Variants in CHRM3 observed in about 807,000 individuals in gnomAD.
CHRM3 encodes the protein cholinergic receptor muscarinic 3.
In CHRM3, 11 loss-of-function variants were observed where a neutral mutation model predicts 41.8. That is an observed-to-expected ratio of 0.26 (90% CI 0.17 to 0.44). The LOEUF is 0.44. CHRM3 is among the 20% of genes least tolerant of loss of function. The probability of loss-of-function intolerance (pLI) is 1.00; values close to 1 mark genes in which losing one functional copy is unlikely to be tolerated. For synonymous variants in CHRM3, 297 were observed against 301.4 expected (o/e 0.99, Z 0.15); for missense variants, 571 against 745.4 (o/e 0.77, Z 2.72).
At chr1:239,499,801 C>T (rs1224111914) in intron 2 of CHRM3, among the ~76,000 whole-genome samples, 1 of 152,154 alleles carries the variant, frequency 6.6e-6, no homozygotes, top group Non-Finnish European at 1.5e-5. Flanking sequence ...AGAAACCCTA[C>T]AAGCTAGAAG....
At position 239,518,961 on chromosome 1, in the gene CHRM3, G is replaced by T. The variant is rs370899924; in HGVS notation, c.-422+26154G>T. On this transcript the variant is annotated intron_variant, in intron 2 of 6. Coordinates refer to ENST00000676153, the MANE Select transcript of CHRM3 (RefSeq NM_001375978.1). ...AAGTTGGCATTTTTATTTAAATTTT[G>T]CAAATCATTTGTTGACAGGATCAAA... Among the ~76,000 whole-genome samples the T allele has an allele frequency of 2.0e-5, 3 of 152,096 alleles. No homozygotes were observed. In the East Asian group the frequency reaches 5.8e-4, roughly 29 times the overall value.
At chr1:239,821,596 T>G (rs1459260532) in intron 5 of CHRM3, among the ~76,000 whole-genome samples, 1 of 152,146 alleles carries the variant, frequency 6.6e-6, no homozygotes, top group African/African-American at 2.4e-5. Context: ...GGATGAGAAA[T>G]GAACCCTCAC....
At chr1:239,771,487 G>A (rs559037204) in intron 5 of CHRM3, among the ~76,000 whole-genome samples, 4 of 152,230 alleles carry the variant, frequency 2.6e-5, no homozygotes, top group East Asian at 1.9e-4. Flanking sequence ...AGAAACACTC[G>A]CTTCTGAGCA....
chr1:239,518,729 T>C (rs1669435318), intron 2 of CHRM3, among the ~76,000 whole-genome samples: 1 of 152,170 alleles, frequency 6.6e-6, no homozygotes. Context: ...TGGGCGGTAG[T>C]TGCACGTGAA....
intron 2 of CHRM3, among the ~76,000 whole-genome samples, chr1:239,540,403 A>C (rs1400527789): frequency 6.6e-6 from 1 of 152,318 alleles, no homozygotes; most frequent in Non-Finnish European, 1.5e-5. Flanking sequence ...CCTTTAAAAA[A>C]ATCTGCCTCT....
At chr1:239,752,779 C>T (rs1320009673) in intron 5 of CHRM3, among the ~76,000 whole-genome samples, 1 of 152,062 alleles carries the variant, frequency 6.6e-6, no homozygotes, top group East Asian at 1.9e-4. Flanking sequence ...TCTGAAATTA[C>T]TCTGAAATGT....
intron 3 of CHRM3, among the ~76,000 whole-genome samples, chr1:239,602,140 A>ATATATATATAT (rs1432471091): frequency 6.9e-5 from 10 of 144,818 alleles, no homozygotes; most frequent in African/African-American, 2.1e-4. Context: ...ATATATATAT[A>ATATATATATAT]ATTTTGTTTT....
At chr1:239,403,976 GGA>G (rs531556599) in intron 1 of CHRM3, among the ~76,000 whole-genome samples, 16,230 of 45,958 alleles carry the variant, frequency 0.35, 2,946 homozygotes, top group East Asian at 0.53. Flanking sequence ...AGAGGGAGGG[GGA>G]GAGAGAGAGA....
At chr1:239,608,050 C>G (rs1439806687) in intron 3 of CHRM3, among the ~76,000 whole-genome samples, 1 of 152,106 alleles carries the variant, frequency 6.6e-6, no homozygotes, top group East Asian at 1.9e-4. Context: ...TTATTAATAG[C>G]AAAGTTGTTT....
Position 239,417,999 on chromosome 1 carries a change from G to A in CHRM3, c.-521+30772G>A, listed in dbSNP as rs192239896. On this transcript the variant is annotated intron_variant, in intron 1 of 6. Transcript: ENST00000676153. ...TGATAAGAAAGCTAAGTTTCAGATC[G>A]CTTAGACTGTAGTGCCGGGTCTTTT... Among the ~76,000 whole-genome samples, 33 of 152,278 alleles carry A rather than the reference G, an allele frequency of 2.2e-4. No individual in the cohort carries two copies. In the East Asian group the frequency reaches 4.2e-3, roughly 20 times the overall value.
At chr1:239,840,223 G>T (rs1357002228) in intron 6 of CHRM3, among the ~76,000 whole-genome samples, 3 of 152,078 alleles carry the variant, frequency 2.0e-5, no homozygotes, top group Non-Finnish European at 4.4e-5. Context: ...TTGCTTTGGT[G>T]GTGGACTTTT....
At chr1:239,491,215 C>CT (rs1296475407) in intron 1 of CHRM3, among the ~76,000 whole-genome samples, 1 of 152,180 alleles carries the variant, frequency 6.6e-6, no homozygotes, top group African/African-American at 2.4e-5. Context: ...ATCTGCTCTT[C>CT]TAGCTATGTA....
chr1:239,621,298 T>A (rs2148814691), intron 3 of CHRM3, among the ~76,000 whole-genome samples: 1 of 152,268 alleles, frequency 6.6e-6, no homozygotes, highest in African/African-American at 2.4e-5. Flanking sequence ...CTCCACCCCA[T>A]TTCCTGAGTC....
intron 4 of CHRM3, among the ~76,000 whole-genome samples, chr1:239,644,936 G>A (rs1052452665): frequency 3.9e-5 from 6 of 152,142 alleles, no homozygotes; most frequent in Non-Finnish European, 5.9e-5. Flanking sequence ...TTCTTCAGCA[G>A]GAATTCCCAG....
intron 4 of CHRM3, among the ~76,000 whole-genome samples, chr1:239,636,642 AG>A (rs368293371): frequency 2.0e-3 from 301 of 152,316 alleles, no homozygotes; most frequent in African/African-American, 6.7e-3. Flanking sequence ...GGTCTTTGGA[AG>A]ATGATAATTA....
At chr1:239,839,601 A>G (rs1325982511) in intron 6 of CHRM3, among the ~76,000 whole-genome samples, 1 of 152,236 alleles carries the variant, frequency 6.6e-6, no homozygotes, top group South Asian at 2.1e-4. Context: ...TAAAGATTCC[A>G]TGTCAGAATA....
chr1:239,487,714 C>G (rs1355202202), intron 1 of CHRM3, among the ~76,000 whole-genome samples: 1 of 151,436 alleles, frequency 6.6e-6, no homozygotes, highest in Non-Finnish European at 1.5e-5. Context: ...AAAATGAATC[C>G]AAGATAGTAT....
intron 6 of CHRM3, among the ~76,000 whole-genome samples, chr1:239,848,096 T>C (rs1474287569): frequency 6.6e-6 from 1 of 152,134 alleles, no homozygotes; most frequent in African/African-American, 2.4e-5. Context: ...CTTTCATGCA[T>C]ACATTTGCCT....
chr1:239,528,233 A>C (rs1017572244), intron 2 of CHRM3, among the ~76,000 whole-genome samples: 5 of 152,186 alleles, frequency 3.3e-5, no homozygotes, highest in African/African-American at 1.2e-4. Flanking sequence ...ATGAGATATG[A>C]CAAGTCTTTA....
Sources: gnomAD v4.1 joint callset for allele counts (sites outside exome capture counted in the v4.1 genomes callset) on GRCh38, gnomAD v4.1.1 for gene constraint, MANE v1.5 for transcripts, NCBI Gene and HGNC (gene_info 2026-07-23, HGNC 2026-07-21) for gene names.